Variants in WEE1 observed in about 807,000 individuals in gnomAD.
WEE1 encodes the protein WEE1 G2 checkpoint kinase, also known as wee1-like protein kinase.
A neutral mutation model predicts 68.8 loss-of-function variants in WEE1; 16 were observed. The observed-to-expected ratio is 0.23, with a 90% CI of 0.16 to 0.35. The LOEUF (loss-of-function observed/expected upper bound fraction) is 0.35, where lower values mean the gene tolerates loss of function less well. Ranked by LOEUF, WEE1 falls within the 10% of genes least tolerant of loss-of-function variation. The pLI is 1.00. For synonymous variants in WEE1, 349 were observed against 318.7 expected (o/e 1.09, Z -1.01); for missense variants, 651 against 824.1 (o/e 0.79, Z 2.57).
chr11:9,574,091 C>T lies in WEE1; in HGVS notation c.158C>T (p.Ser53Leu). ...AGCGGCCACAGCACCGGGGAGGACT[C>T]GGCCTTTCAAGAGCCCGACTCGCCG... ...EGSGHSTGEDSAFQEPDSPLP... is the reference protein window; with the variant it reads ...EGSGHSTGEDLAFQEPDSPLP... Residue 53 changes from serine (S) to leucine (L), a missense_variant, in exon 1 of 11, where the codon TCG becomes TTG. Ser to Leu is a moderately radical substitution (Grantham distance 145, BLOSUM62 -2). Coordinates refer to ENST00000450114, the MANE Select transcript of WEE1 (RefSeq NM_003390.4). This position sits in a 1 kb window ranked among gnomAD's most constrained non-coding sequence, Gnocchi z 4.9. 1 of 1,228,386 alleles carries T rather than the reference C, an allele frequency of 8.1e-7. No individual in the cohort carries two copies. Among genetic ancestry groups the T allele is most frequent in the Non-Finnish European group, 1.0e-6 (1 of 984,722 alleles). 76.1% of individuals were successfully genotyped at this position (1,228,386 alleles called of 1,614,324 possible).
chr11:9,574,719 T>A lies in WEE1; in HGVS notation c.576+210T>A. Reference sequence around the variant, plus strand: ...TGAACAATGGGCCTCGTCTGGAACTTCATCTTACAAAGGGGCCGATCGGCC... The same window carrying A: ...TGAACAATGGGCCTCGTCTGGAACTACATCTTACAAAGGGGCCGATCGGCC... On this transcript the variant is annotated intron_variant, in intron 1 of 10. Coordinates refer to ENST00000450114, the MANE Select transcript of WEE1 (RefSeq NM_003390.4). This position sits in a 1 kb window ranked among gnomAD's most constrained non-coding sequence, Gnocchi z 4.9. 1.9e-6 allele frequency: 2 copies of A among 1,059,160 alleles called. No individual in the cohort carries two copies. Among genetic ancestry groups the A allele is most frequent in the Non-Finnish European group, 2.3e-6 (2 of 878,842 alleles). The allele number at this position is 1,059,160 out of a possible 1,614,324, so 65.6% of individuals were successfully genotyped here.
Position 9,583,757 on chromosome 11 carries a change from GCGCGCACA to G in WEE1, c.1289-1499_1289-1492del, listed in dbSNP as rs1335508192. Among the ~76,000 whole-genome samples the G allele has an allele frequency of 9.6e-3, 111 of 11,518 alleles. 2 individuals are homozygous for G. The highest frequency in any genetic ancestry group is 0.016 in the African/African-American group (64 of 4,064). The allele number at this position is 11,518 out of a possible 152,430, so 7.6% of individuals were successfully genotyped here. ...TTTGTGCGTGTGTGTGCGTGCACGC[GCGCGCACA>G]CACACACACACACACACACACACAC... On this transcript the variant is annotated intron_variant, in intron 6 of 10. Coordinates refer to ENST00000450114, the MANE Select transcript of WEE1 (RefSeq NM_003390.4).
At chr11:9,586,058 T>G (rs1185890845) in intron 8 of WEE1, among the ~76,000 whole-genome samples, 2 of 152,256 alleles carry the variant, frequency 1.3e-5, no homozygotes, top group African/African-American at 4.8e-5. Context: ...CCCATTGCTC[T>G]TTGTAAATAT....
At chr11:9,585,068 AAAAC>A in intron 6 of WEE1, 186 bp from the exon 7 acceptor site, 1 of 574,536 alleles carries the variant, frequency 1.7e-6, no homozygotes, top group Middle Eastern at 4.7e-4. Context: ...GTCTCAAAAA[AAAAC>A]AAAAAAAATT....
At chr11:9,584,597 T>G (rs1849679944) in intron 6 of WEE1, among the ~76,000 whole-genome samples, 2 of 151,078 alleles carry the variant, frequency 1.3e-5, no homozygotes, top group Admixed American at 1.3e-4. Context: ...TGCTATATGG[T>G]CAGCCAGACT....
At chr11:9,582,614 T>G (rs909121543) in intron 6 of WEE1, among the ~76,000 whole-genome samples, 1 of 152,216 alleles carries the variant, frequency 6.6e-6, no homozygotes, top group African/African-American at 2.4e-5. Context: ...TTGCCCAGGC[T>G]GGAGTGCAGT....
chr11:9,577,074 ATAAATT>A (rs1849572580), intron 4 of WEE1, 62 bp from the exon 5 acceptor site: 1 of 1,503,814 alleles, frequency 6.6e-7, no homozygotes, highest in South Asian at 1.3e-5. Context: ...GAAGTTTCAG[ATAAATT>A]AATTCAGTTT....
intron 4 of WEE1, 40 bp from the exon 5 acceptor site, chr11:9,577,102 A>G (rs1289688015): frequency 1.5e-5 from 24 of 1,576,978 alleles, no homozygotes; most frequent in Non-Finnish European, 2.1e-5. Flanking sequence ...AGCTTGAGTG[A>G]AAATTATTTA....
intron 5 of WEE1, chr11:9,577,506 T>C: frequency 2.2e-6 from 1 of 448,920 alleles, no homozygotes; most frequent in Non-Finnish European, 4.0e-6. Context: ...CTGAGCTTTT[T>C]GACAAGACTA....
Position 9,589,526 on chromosome 11 carries a change from C to G in WEE1, c.*924C>G, listed in dbSNP as rs1043065542. 1 of 985,414 alleles carries G rather than the reference C, an allele frequency of 1.0e-6. No individual in the cohort carries two copies. Among genetic ancestry groups the G allele is most frequent in the African/African-American group, 1.7e-5 (1 of 57,220 alleles). The allele number at this position is 985,414 out of a possible 1,614,324, so 61.0% of individuals were successfully genotyped here. On this transcript the variant is annotated 3_prime_UTR_variant, in exon 11 of 11. Coordinates refer to ENST00000450114, the MANE Select transcript of WEE1 (RefSeq NM_003390.4). ...TGTATATAAACCGATCTTCGTGATA[C>G]TGTACATAGCTGTTTGAAATGCCAG...
In WEE1 at chr11:9,588,477, G is replaced by A; in HGVS notation, c.1816G>A (p.Ala606Thr). ...KELKKAQMAKAAAEERALFTD... is the reference protein window; with the variant it reads ...KELKKAQMAKTAAEERALFTD... The stretch of plus-strand genomic sequence containing the variant: ...ACTCAAGAAAGCACAGATGGCAAAA[G>A]CTGCAGCTGAGGAAAGAGCACTCTT... Residue 606 changes from alanine (A) to threonine (T), a missense_variant, in exon 11 of 11, where the codon GCT (alanine) becomes ACT (threonine). By Grantham distance (58) the Ala-to-Thr change is moderately conservative. Around this residue, in one of 5 missense-constraint regions of WEE1, gnomAD observed 115 missense variants for 142.7 expected, o/e 0.81. Transcript: ENST00000450114. 2 of 1,601,400 alleles carry A rather than the reference G, an allele frequency of 1.2e-6. No homozygotes were observed. Among genetic ancestry groups the A allele is most frequent in the Non-Finnish European group, 1.7e-6 (2 of 1,176,812 alleles).
chr11:9,576,823 T>C lies in WEE1; in HGVS notation c.1019+164T>C, dbSNP rs1465196318. Among the ~76,000 whole-genome samples the C allele has an allele frequency of 6.6e-6, 1 of 152,238 alleles. No homozygotes were observed. The highest frequency in any genetic ancestry group is 1.5e-5 in the Non-Finnish European group (1 of 68,046). On this transcript the variant is annotated intron_variant, in intron 4 of 10. Coordinates refer to ENST00000450114, the MANE Select transcript of WEE1 (RefSeq NM_003390.4). This position sits in a 1 kb window ranked among gnomAD's most constrained non-coding sequence, Gnocchi z 4.3. ...ATACCATCAGTTCTTATTGGACTTG[T>C]TGAATAATATGAGTCTGATTTTGGA...
rs1412609889 is a variant in WEE1, at chr11:9,583,759, G to GCACA, written c.1289-1498_1289-1497insACAC. 7.0e-3 allele frequency among the ~76,000 whole-genome samples: 291 copies of GCACA among 41,278 alleles called. 2 individuals are homozygous for GCACA. The highest frequency in any genetic ancestry group is 9.8e-3 in the Non-Finnish European group (193 of 19,676). The allele number at this position is 41,278 out of a possible 152,430, so 27.1% of individuals were successfully genotyped here. ...TGTGCGTGTGTGTGCGTGCACGCGCGCGCACACACACACACACACACACAC... is the reference window on the plus strand; with the variant it reads ...TGTGCGTGTGTGTGCGTGCACGCGCGCACACGCACACACACACACACACACACAC... On this transcript the variant is annotated intron_variant, in intron 6 of 10. Coordinates refer to ENST00000450114, the MANE Select transcript of WEE1 (RefSeq NM_003390.4).
In WEE1 at chr11:9,576,117, G is replaced by A; in HGVS notation, c.782+24G>A. ...GAGTAAGTCGTTTATTTAACAGTTT[G>A]GTTCTCCAAATAACCTAAGATTGGT... On this transcript the variant is annotated intron_variant, in intron 2 of 10. Transcript: ENST00000450114. The surrounding 1 kb of genome is among the most constrained non-coding windows in gnomAD (Gnocchi z 4.3). 6.2e-7 allele frequency: 1 copy of A among 1,612,644 alleles called. No homozygotes were observed. Among genetic ancestry groups the A allele is most frequent in the Non-Finnish European group, 8.5e-7 (1 of 1,178,978 alleles).
At chr11:9,575,278 T>C in intron 1 of WEE1, 1 of 986,758 alleles carries the variant, frequency 1.0e-6, no homozygotes, top group Non-Finnish European at 1.2e-6. Flanking sequence ...ACTGCGCAGA[T>C]GACCACTTTT....
In WEE1 at chr11:9,574,042, GA is replaced by G; in HGVS notation, c.111del (p.Glu38LysfsTer196). The G allele has an allele frequency of 7.9e-7, 1 of 1,261,942 alleles. No homozygotes were observed. The highest frequency in any genetic ancestry group is 1.0e-6 in the Non-Finnish European group (1 of 1,003,154). The allele number at this position is 1,261,942 out of a possible 1,614,324, so 78.2% of individuals were successfully genotyped here. A position where few individuals can be genotyped will look rare whatever the true frequency, so the allele number is the denominator to read the frequency against. ...GCCCTGCAGCGACTGTGAGGAGGAG[GA>G]AGAAGAGGAGGAGGAGGAGGGCAGC... ...FSPCSDCEEEEEEEEEEGSGH... is the reference protein window; with the variant it reads ...FSPCSDCEEEXEEEEEEGSGH... On this transcript the variant is annotated frameshift_variant, in exon 1 of 11. Transcript: ENST00000450114. LOFTEE classifies it high-confidence loss of function. The surrounding 1 kb of genome is among the most constrained non-coding windows in gnomAD (Gnocchi z 4.9).
At chr11:9,587,822 T>C (rs1849718404) in intron 10 of WEE1, among the ~76,000 whole-genome samples, 1 of 152,158 alleles carries the variant, frequency 6.6e-6, no homozygotes, top group South Asian at 2.1e-4. Context: ...ATATTTAAAT[T>C]ATAAGAATTG....
At chr11:9,584,459 T>TA (rs1218282772) in intron 6 of WEE1, among the ~76,000 whole-genome samples, 1 of 152,140 alleles carries the variant, frequency 6.6e-6, no homozygotes, top group African/African-American at 2.4e-5. Flanking sequence ...ACTATACTGA[T>TA]AAAACTATTA....
chr11:9,578,480 A>G (rs1165179004), intron 5 of WEE1: 2 of 152,308 alleles, frequency 1.3e-5, no homozygotes, highest in East Asian at 1.9e-4. Context: ...AAATGTTTCT[A>G]TTCATACCAT....
Sources: allele counts gnomAD v4.1 joint callset (sites outside exome capture counted in the v4.1 genomes callset), GRCh38; gene constraint gnomAD v4.1.1; regional missense constraint gnomAD v4.1.1; non-coding constraint Gnocchi (gnomAD v3.1); transcripts MANE v1.5; gene names NCBI Gene and HGNC (gene_info 2026-07-23, HGNC 2026-07-21).